RPS6KA2: variants seen among roughly 807,000 people sequenced by gnomAD.
RPS6KA2 encodes ribosomal protein S6 kinase A2, also known as ribosomal protein S6 kinase alpha-2.
Under a neutral mutation model 91.8 loss-of-function variants are expected in RPS6KA2, and 42 were observed. The ratio of observed to expected loss-of-function variants is 0.46; its 90% confidence interval spans 0.36 to 0.59. The LOEUF is 0.59. Ranked by LOEUF, RPS6KA2 falls within the 20% of genes least tolerant of loss-of-function variation. RPS6KA2 has a pLI of 0.00. For synonymous variants in RPS6KA2, 414 were observed against 393.6 expected (o/e 1.05, Z -0.61); for missense variants, 798 against 978.5 (o/e 0.82, Z 2.46).
rs1354480688 is a variant in RPS6KA2 at position 166,469,835 on chromosome 6, A to G, written c.972+6T>C. 2.0e-5 allele frequency: 32 copies of G among 1,613,580 alleles called. No individual in the cohort carries two copies. The highest frequency in any genetic ancestry group is 4.0e-5 in the African/African-American group (3 of 74,918). On this transcript the variant is annotated splice_donor_region_variant and intron_variant, in intron 11 of 20. Coordinates refer to ENST00000265678, the MANE Select transcript of RPS6KA2 (RefSeq NM_021135.6). ...GTGCAGGTGGGGACTGTGGCATGCA[A>G]CTTACGTTCCAGTCTATGGTCACAA...
intron 3 of RPS6KA2, among the ~76,000 whole-genome samples, chr6:166,526,722 A>G (rs999181923): frequency 6.6e-6 from 1 of 152,210 alleles, no homozygotes; most frequent in Non-Finnish European, 1.5e-5. Context: ...TTTAAAAATA[A>G]CTTTACATTA....
At chr6:166,466,930 A>C (rs1043821761) in intron 11 of RPS6KA2, among the ~76,000 whole-genome samples, 3 of 148,048 alleles carry the variant, frequency 2.0e-5, no homozygotes, top group Non-Finnish European at 4.5e-5. Flanking sequence ...TCACTCCCTC[A>C]CTTGTTGACT....
intron 2 of RPS6KA2, chr6:166,702,460 G>A (rs1204400164): frequency 1.9e-6 from 3 of 1,584,914 alleles, no homozygotes; most frequent in East Asian, 2.2e-5. Context: ...GTCCTTACTG[G>A]AATAGGTTAC....
chr6:166,774,111 C>T (rs1562431640), intron 2 of RPS6KA2, among the ~76,000 whole-genome samples: 1 of 152,194 alleles, frequency 6.6e-6, no homozygotes, highest in Non-Finnish European at 1.5e-5. Flanking sequence ...CCATCGCTTT[C>T]ACGGCACTTG....
rs200915543 is a variant in RPS6KA2, at chr6:166,427,906, G to C, written c.1581+2547C>G. On this transcript the variant is annotated intron_variant, in intron 16 of 20. Coordinates refer to ENST00000265678, the MANE Select transcript of RPS6KA2 (RefSeq NM_021135.6). The stretch of plus-strand genomic sequence containing the variant: ...TAATTTATAGATTCAATGCCATCCC[G>C]ATCAAGCTACCAATGACTTTCTTCA... Among the ~76,000 whole-genome samples the C allele has an allele frequency of 2.1e-3, 327 of 152,132 alleles. 1 individual carries two copies. The highest frequency in any genetic ancestry group is 0.018 in the South Asian group (85 of 4,802).
chr6:166,527,131 G>T (rs768015247), intron 3 of RPS6KA2, among the ~76,000 whole-genome samples: 2 of 152,206 alleles, frequency 1.3e-5, no homozygotes, highest in Non-Finnish European at 2.9e-5. Context: ...TCCAGGCTTA[G>T]CGACAACTTA....
chr6:166,653,552 G>C (rs2128554973), intron 2 of RPS6KA2, among the ~76,000 whole-genome samples: 1 of 152,284 alleles, frequency 6.6e-6, no homozygotes, highest in South Asian at 2.1e-4. Flanking sequence ...AAGTACAGAT[G>C]TCTCCCTGGA....
intron 2 of RPS6KA2, among the ~76,000 whole-genome samples, chr6:166,537,531 T>A (rs1320159952): frequency 6.6e-6 from 1 of 152,220 alleles, no homozygotes; most frequent in Non-Finnish European, 1.5e-5. Context: ...TAATCTAACG[T>A]ATAAAAATTT....
intron 2 of RPS6KA2, among the ~76,000 whole-genome samples, chr6:166,828,240 C>A (rs922891265): frequency 6.6e-6 from 1 of 152,192 alleles, no homozygotes; most frequent in Non-Finnish European, 1.5e-5. Flanking sequence ...AGAATCAGAG[C>A]CCAGTGGTCA....
chr6:166,546,751 C>CTTT (rs1783841117), intron 1 of RPS6KA2, among the ~76,000 whole-genome samples: 1 of 152,140 alleles, frequency 6.6e-6, no homozygotes, highest in Non-Finnish European at 1.5e-5. Flanking sequence ...ATGTGATCTC[C>CTTT]TCATTCTTTT....
chr6:166,653,249 C>G (rs1047348078), intron 2 of RPS6KA2, among the ~76,000 whole-genome samples: 1 of 152,188 alleles, frequency 6.6e-6, no homozygotes, highest in East Asian at 1.9e-4. Flanking sequence ...TTAGTAGAGA[C>G]AGGGTTTCAC....
rs1781752638 is a variant in RPS6KA2 at position 166,495,445 on chromosome 6, T to C, written c.747+3063A>G. The stretch of plus-strand genomic sequence containing the variant: ...ACGTGGGAGGAGAGTGCCTGCTGTG[T>C]TGACGTGCCGGGCAGCGCTGGGCCA... On this transcript the variant is annotated intron_variant, in intron 8 of 20. Coordinates refer to ENST00000265678, the MANE Select transcript of RPS6KA2 (RefSeq NM_021135.6). This position sits in a 1 kb window ranked among gnomAD's most constrained non-coding sequence, Gnocchi z 4.4. Among the ~76,000 whole-genome samples, 1 of 152,178 alleles carries C rather than the reference T, an allele frequency of 6.6e-6. No homozygotes were observed. The highest frequency in any genetic ancestry group is 2.4e-5 in the African/African-American group (1 of 41,430).
At chr6:166,687,977 T>C (rs1159203764) in intron 2 of RPS6KA2, among the ~76,000 whole-genome samples, 1 of 152,060 alleles carries the variant, frequency 6.6e-6, no homozygotes, top group East Asian at 1.9e-4. Flanking sequence ...CGGGGGAGCC[T>C]GCTTGGGAAG....
rs1195920289 is a variant in RPS6KA2, at chr6:166,657,470, T to G, written c.124-118686A>C. Among the ~76,000 whole-genome samples, 3 of 152,162 alleles carry G rather than the reference T, an allele frequency of 2.0e-5. No individual in the cohort carries two copies. The East Asian group carries it at 5.8e-4, about 29-fold the overall frequency. ...GCTCAAATATTTATGATAACAACATTCCTTGGTTGTAGAAAAAGAGGAATA... is the reference window on the plus strand; with the variant it reads ...GCTCAAATATTTATGATAACAACATGCCTTGGTTGTAGAAAAAGAGGAATA... On this transcript the variant is annotated intron_variant, in intron 2 of 21. Transcript: ENST00000503859.
At chr6:166,478,785 G>A (rs532310619) in intron 10 of RPS6KA2, among the ~76,000 whole-genome samples, 14 of 152,122 alleles carry the variant, frequency 9.2e-5, no homozygotes, top group African/African-American at 3.4e-4. Flanking sequence ...CTCTCTGCTT[G>A]TTTATGTGTT....
chr6:166,598,524 G>T (rs1785621917), intron 1 of RPS6KA2, among the ~76,000 whole-genome samples: 1 of 152,200 alleles, frequency 6.6e-6, no homozygotes, highest in Non-Finnish European at 1.5e-5. Flanking sequence ...TCTGGATGGA[G>T]AAGTTGGAAT....
chr6:166,492,877 G>C (rs1447541076), intron 8 of RPS6KA2, among the ~76,000 whole-genome samples: 3 of 147,596 alleles, frequency 2.0e-5, no homozygotes, highest in Non-Finnish European at 1.5e-5. Context: ...CACCATGCCT[G>C]GCTAATTTTT....
chr6:166,750,913 C>A (rs1356607745), intron 2 of RPS6KA2, among the ~76,000 whole-genome samples: 2 of 152,222 alleles, frequency 1.3e-5, no homozygotes, highest in South Asian at 2.1e-4. Context: ...AGACTGTGAT[C>A]ATATTCAGGA....
chr6:166,812,663 T>G (rs1447684087), intron 2 of RPS6KA2, among the ~76,000 whole-genome samples: 2 of 152,188 alleles, frequency 1.3e-5, no homozygotes, highest in Non-Finnish European at 2.9e-5. Context: ...CTGACCCTCT[T>G]CCCTGCAACT....
Sources: allele counts gnomAD v4.1 joint callset (sites outside exome capture counted in the v4.1 genomes callset), GRCh38; gene constraint gnomAD v4.1.1; non-coding constraint Gnocchi (gnomAD v3.1); transcripts MANE v1.5; gene names NCBI Gene and HGNC (gene_info 2026-07-23, HGNC 2026-07-21).